Variants in FBN2 observed in about 807,000 individuals in gnomAD.
FBN2 encodes the protein fibrillin-2.
Under a neutral mutation model 355.6 loss-of-function variants are expected in FBN2, and 105 were observed. The ratio of observed to expected loss-of-function variants is 0.30; its 90% CI spans 0.25 to 0.35. The LOEUF (loss-of-function observed/expected upper bound fraction) is 0.35. Among genes scored for constraint, FBN2 ranks in the 10% least tolerant of loss-of-function variants. The pLI is 1.00. For synonymous variants in FBN2, 1,350 were observed against 1,301.2 expected (o/e 1.04, Z -0.81); for missense variants, 3,280 against 3,758.7 (o/e 0.87, Z 3.33).
At chr5:128,383,703 TCAA>T (rs1256403539) in intron 11 of FBN2, among the ~76,000 whole-genome samples, 3 of 152,030 alleles carry the variant, frequency 2.0e-5, no homozygotes, top group Admixed American at 1.3e-4. Context: ...GAAAAGATGG[TCAA>T]CATCTTTTTA....
chr5:128,374,855 C>CT, intron 14 of FBN2, 105 bp from the exon 15 acceptor site: 2 of 1,230,614 alleles, frequency 1.6e-6, no homozygotes, highest in Non-Finnish European at 2.3e-6. Flanking sequence ...TTGTTTATAA[C>CT]TTTATAATTT....
At chr5:128,420,921 T>C (rs1469032972) in intron 7 of FBN2, among the ~76,000 whole-genome samples, 2 of 152,152 alleles carry the variant, frequency 1.3e-5, no homozygotes, top group African/African-American at 4.8e-5. Context: ...AATTCAACCA[T>C]GAGAATCGGC....
At chr5:128,361,015 T>C (rs1182295155) in intron 19 of FBN2, among the ~76,000 whole-genome samples, 2 of 152,176 alleles carry the variant, frequency 1.3e-5, no homozygotes, top group African/African-American at 2.4e-5. Context: ...AAATATACAG[T>C]ACTTTGATCA....
chr5:128,297,384 G>T (rs564989257), intron 48 of FBN2, among the ~76,000 whole-genome samples: 224 of 152,136 alleles, frequency 1.5e-3, no homozygotes, highest in African/African-American at 5.0e-3. Flanking sequence ...TCAATTCCTG[G>T]GTATGCTTGT....
intron 5 of FBN2, among the ~76,000 whole-genome samples, chr5:128,475,748 C>T (rs1377981174): frequency 6.6e-6 from 1 of 152,020 alleles, no homozygotes; most frequent in African/African-American, 2.4e-5. Context: ...CTTCCATTTC[C>T]AGAAAGAACA....
chr5:128,279,641 A>G (rs918490974), intron 56 of FBN2, among the ~76,000 whole-genome samples: 1 of 152,152 alleles, frequency 6.6e-6, no homozygotes, highest in Non-Finnish European at 1.5e-5. Flanking sequence ...TTCTTTGTTT[A>G]CCTTGAATTT....
At chr5:128,484,232 A>G (rs1269100138) in intron 5 of FBN2, among the ~76,000 whole-genome samples, 1 of 152,208 alleles carries the variant, frequency 6.6e-6, no homozygotes, top group East Asian at 1.9e-4. Context: ...GATGAAGGAT[A>G]TTATTTTCAC....
intron 8 of FBN2, among the ~76,000 whole-genome samples, chr5:128,405,966 G>A (rs1360888691): frequency 1.3e-5 from 2 of 152,136 alleles, no homozygotes; most frequent in African/African-American, 4.8e-5. Flanking sequence ...CTCCCACGGC[G>A]ACGTTTCTCC....
intron 6 of FBN2, among the ~76,000 whole-genome samples, chr5:128,462,199 A>T (rs183842114): frequency 6.6e-6 from 1 of 152,256 alleles, no homozygotes; most frequent in African/African-American, 2.4e-5. Flanking sequence ...GTTATCATCC[A>T]CATAGTTGAA....
chr5:128,322,750 A>C (rs1181494142), intron 34 of FBN2, among the ~76,000 whole-genome samples: 1 of 151,346 alleles, frequency 6.6e-6, no homozygotes, highest in Non-Finnish European at 1.5e-5. Flanking sequence ...TTTGCTTAGG[A>C]TTATCTGGCT....
intron 62 of FBN2, 66 bp downstream of exon 62, chr5:128,271,933 G>T (rs1765276704): frequency 1.3e-6 from 2 of 1,587,784 alleles, no homozygotes; most frequent in African/African-American, 1.3e-5. Context: ...CTCACAATTT[G>T]TTCATCTTAT....
chr5:128,524,411 T>C (rs1756512890), intron 4 of FBN2, among the ~76,000 whole-genome samples: 1 of 152,146 alleles, frequency 6.6e-6, no homozygotes, highest in African/African-American at 2.4e-5. Context: ...TTTTTAGTAT[T>C]AACTGTCATT....
chr5:128,369,699 T>C (rs187620005), intron 15 of FBN2, among the ~76,000 whole-genome samples: 1 of 152,186 alleles, frequency 6.6e-6, no homozygotes, highest in African/African-American at 2.4e-5. Context: ...CACTTCTTAT[T>C]TCAATTTTGG....
At position 128,274,647 on chromosome 5, in the gene FBN2, T is replaced by G; in HGVS notation, c.7631A>C (p.Gln2544Pro). 6.2e-7 allele frequency: 1 copy of G among 1,613,088 alleles called. No individual in the cohort carries two copies. The highest frequency in any genetic ancestry group is 1.1e-5 in the South Asian group (1 of 91,056). The change falls in exon 60 of 65, where the codon CAG (glutamine) becomes CCG (proline). Residue 2544 changes from glutamine (Q) to proline (P), a missense_variant. Physicochemically the swap from Gln to Pro is moderately conservative, Grantham distance 76 (BLOSUM62 -1). Around this residue, in one of 6 missense-constraint regions of FBN2, gnomAD observed 2,284 missense variants for 2,749.5 expected, o/e 0.83. Transcript: ENST00000262464. ...CCCCAGGGTGTTGACACAGAGGAAC[T>G]GGCAGTTATGCTGCTTTGTTTGACA... ...DECQTKQHNC[Q>P]FLCVNTLGGF...
At chr5:128,513,867 A>C (rs1249082122) in intron 5 of FBN2, among the ~76,000 whole-genome samples, 1 of 151,848 alleles carries the variant, frequency 6.6e-6, no homozygotes, top group African/African-American at 2.4e-5. Context: ...CTCTGTTCTT[A>C]ATGGCATTCA....
At chr5:128,529,204 T>C (rs1382602053) in intron 3 of FBN2, among the ~76,000 whole-genome samples, 1 of 152,158 alleles carries the variant, frequency 6.6e-6, no homozygotes, top group Non-Finnish European at 1.5e-5. Flanking sequence ...TAGATAAATA[T>C]TATGAGTTAT....
chr5:128,530,978 A>G (rs1316749940), intron 2 of FBN2, among the ~76,000 whole-genome samples: 1 of 152,154 alleles, frequency 6.6e-6, no homozygotes, highest in Non-Finnish European at 1.5e-5. Context: ...AAGTAGAACT[A>G]CCATTTGATC....
chr5:128,536,211 G>A (rs546472992), intron 2 of FBN2, among the ~76,000 whole-genome samples, 191 bp downstream of exon 2: 1 of 152,318 alleles, frequency 6.6e-6, no homozygotes, highest in East Asian at 1.9e-4. Flanking sequence ...GAGTCTAGAA[G>A]TGAAGTCTGA....
chr5:128,349,799 G>T (rs370363537), intron 22 of FBN2, among the ~76,000 whole-genome samples, 156 bp downstream of exon 22: 2 of 152,306 alleles, frequency 1.3e-5, no homozygotes, highest in South Asian at 4.1e-4. Context: ...TTTCCTAAGA[G>T]AATTATGCTA....
Sources: gnomAD v4.1 joint callset for allele counts (sites outside exome capture counted in the v4.1 genomes callset) on GRCh38, gnomAD v4.1.1 for gene constraint, gnomAD v4.1.1 regional missense constraint, MANE v1.5 for transcripts, NCBI Gene and HGNC (gene_info 2026-07-23, HGNC 2026-07-21) for gene names.